TAF3: variants seen among roughly 807,000 people sequenced by gnomAD.
TAF3 encodes TATA-box binding protein associated factor 3, also known as transcription initiation factor TFIID subunit 3.
Under a neutral mutation model 80.6 loss-of-function variants are expected in TAF3, and 7 were observed. The observed-to-expected ratio is 0.09, with a 90% CI of 0.05 to 0.16. The LOEUF is 0.16. TAF3 is among the 10% of genes least tolerant of loss of function. TAF3 has a pLI of 1.00. For missense variants in TAF3, 921 were observed against 1,140.2 expected, an observed-to-expected ratio of 0.81 and a Z score of 2.77; for synonymous variants, 444 against 446.1, an observed-to-expected ratio of 1.00 and a Z score of 0.06.
At chr10:7,872,300 G>C (rs1837274992) in intron 2 of TAF3, among the ~76,000 whole-genome samples, 1 of 135,638 alleles carries the variant, frequency 7.4e-6, no homozygotes, top group African/African-American at 2.7e-5. Context: ...TAAAAGCAAT[G>C]TTCTCTGTGT....
intron 2 of TAF3, among the ~76,000 whole-genome samples, chr10:7,847,961 G>A (rs1253578940): frequency 2.0e-5 from 3 of 147,762 alleles, no homozygotes; most frequent in Non-Finnish European, 4.5e-5. Flanking sequence ...GTAGAGACGG[G>A]GTTTCACCAT....
chr10:7,868,203 TAAG>T (rs940770463), intron 2 of TAF3, among the ~76,000 whole-genome samples: 2 of 152,084 alleles, frequency 1.3e-5, no homozygotes, highest in Admixed American at 6.5e-5. Context: ...TGTTCTGAAA[TAAG>T]AATAATAGAA....
intron 4 of TAF3, among the ~76,000 whole-genome samples, chr10:7,986,377 G>C (rs1010850005): frequency 1.3e-5 from 2 of 152,134 alleles, no homozygotes; most frequent in African/African-American, 4.8e-5. Context: ...ATTTCCGCCA[G>C]TGTGGTTCTT....
chr10:8,010,056 C>T (rs1483903487), intron 5 of TAF3, among the ~76,000 whole-genome samples: 1 of 152,116 alleles, frequency 6.6e-6, no homozygotes, highest in Non-Finnish European at 1.5e-5. Context: ...CAGGCAGTCA[C>T]CACCACTCTC....
At chr10:7,935,440 C>T (rs1313637811) in intron 2 of TAF3, among the ~76,000 whole-genome samples, 1 of 150,490 alleles carries the variant, frequency 6.6e-6, no homozygotes, top group Admixed American at 6.6e-5. Context: ...AAAAAATAGC[C>T]TGGCGTGGTG....
chr10:7,878,478 G>A (rs1171265244), intron 2 of TAF3, among the ~76,000 whole-genome samples: 3 of 152,084 alleles, frequency 2.0e-5, no homozygotes, highest in Non-Finnish European at 2.9e-5. Flanking sequence ...TAAGGGTACA[G>A]GTGATGTTCT....
At chr10:7,824,581 C>G (rs202172490) in intron 2 of TAF3, 21 bp downstream of exon 2, 2 of 1,609,596 alleles carry the variant, frequency 1.2e-6, no homozygotes, top group Non-Finnish European at 1.7e-6. Context: ...GTTTCTTCTT[C>G]ATATGTTAGT....
intron 2 of TAF3, among the ~76,000 whole-genome samples, chr10:7,940,155 A>G (rs1224026069): frequency 1.3e-5 from 2 of 152,232 alleles, no homozygotes; most frequent in African/African-American, 4.8e-5. Context: ...AGTACATACC[A>G]TCAGAATTTT....
intron 2 of TAF3, among the ~76,000 whole-genome samples, chr10:7,915,272 C>T (rs553159449): frequency 2.0e-5 from 3 of 151,920 alleles, no homozygotes; most frequent in South Asian, 2.1e-4. Flanking sequence ...GAAGAACCTG[C>T]GCTCTTCCCT....
intron 2 of TAF3, among the ~76,000 whole-genome samples, chr10:7,934,322 G>A (rs1837896171): frequency 6.6e-6 from 1 of 152,064 alleles, no homozygotes. Context: ...TTTCGTTAAT[G>A]GCACGTAAAA....
chr10:7,928,670 T>C (rs1471675132), intron 2 of TAF3, among the ~76,000 whole-genome samples: 1 of 152,098 alleles, frequency 6.6e-6, no homozygotes, highest in African/African-American at 2.4e-5. Flanking sequence ...GTTGTAATGG[T>C]TTTTCTATTC....
intron 2 of TAF3, among the ~76,000 whole-genome samples, chr10:7,835,892 G>A (rs1288749286): frequency 2.0e-5 from 3 of 152,126 alleles, no homozygotes; most frequent in African/African-American, 7.2e-5. Context: ...GTTATGTTGG[G>A]AAGATGCACA....
chr10:7,902,411 GA>G (rs1023833870), intron 2 of TAF3, among the ~76,000 whole-genome samples: 1 of 151,874 alleles, frequency 6.6e-6, no homozygotes, highest in Non-Finnish European at 1.5e-5. Context: ...CAACAAGAGC[GA>G]AACTCTGTCT....
intron 2 of TAF3, among the ~76,000 whole-genome samples, chr10:7,933,142 A>G (rs1837885011): frequency 6.6e-6 from 1 of 152,210 alleles, no homozygotes; most frequent in African/African-American, 2.4e-5. Context: ...TAGGTATTAT[A>G]TTCTCTTCAA....
chr10:7,994,965 G>A lies in TAF3; in HGVS notation c.2316-14113G>A, dbSNP rs191846794. ...ACTCCAGGCGACAGAGCAAGACTCC[G>A]TCTCAAAAAAAGAAAAAAAAAAAAA... On this transcript the variant is annotated intron_variant, in intron 4 of 6. Coordinates refer to ENST00000344293, the MANE Select transcript of TAF3 (RefSeq NM_031923.4). Among the ~76,000 whole-genome samples the A allele has an allele frequency of 1.1e-3, 139 of 131,576 alleles. 2 individuals carry two copies. The East Asian group carries it at 0.027, about 25-fold the overall frequency. The allele number at this position is 131,576 out of a possible 152,430, so 86.3% of individuals were successfully genotyped here.
intron 2 of TAF3, among the ~76,000 whole-genome samples, chr10:7,897,312 A>G (rs1837514163): frequency 6.6e-6 from 1 of 152,190 alleles, no homozygotes; most frequent in Non-Finnish European, 1.5e-5. Context: ...GACTGAATAA[A>G]GAACTTTATG....
At chr10:7,883,414 A>G (rs1837379670) in intron 2 of TAF3, among the ~76,000 whole-genome samples, 3 of 152,218 alleles carry the variant, frequency 2.0e-5, no homozygotes, top group Admixed American at 1.3e-4. Flanking sequence ...TCATGTGATG[A>G]GTCCTGTGAT....
intron 4 of TAF3, among the ~76,000 whole-genome samples, chr10:8,008,807 G>A (rs1832022134): frequency 6.6e-6 from 1 of 152,174 alleles, no homozygotes; most frequent in Admixed American, 6.5e-5. Flanking sequence ...GGCAATTGAA[G>A]TCATATTTCT....
chr10:7,883,469 G>C (rs1299354537), intron 2 of TAF3, among the ~76,000 whole-genome samples: 2 of 152,150 alleles, frequency 1.3e-5, no homozygotes, highest in East Asian at 3.8e-4. Flanking sequence ...GTGACTTCCA[G>C]ATTTCTCCAT....
Sources: allele counts gnomAD v4.1 joint callset (sites outside exome capture counted in the v4.1 genomes callset), GRCh38; gene constraint gnomAD v4.1.1; transcripts MANE v1.5; gene names NCBI Gene and HGNC (gene_info 2026-07-23, HGNC 2026-07-21).